GMCL1: variants seen among roughly 807,000 people sequenced by gnomAD.
GMCL1 encodes the protein germ cell-less protein-like 1.
In GMCL1, 54 loss-of-function variants were observed where a neutral mutation model predicts 75.5. The observed-to-expected ratio is 0.71, with a 90% CI of 0.57 to 0.90. GMCL1 has a LOEUF of 0.90. Ranked by LOEUF, GMCL1 falls within the 40% of genes least tolerant of loss-of-function variation. The pLI is 0.00. For synonymous variants in GMCL1, 210 were observed against 209.6 expected, an observed-to-expected ratio of 1.00 and a Z score of -0.02; for missense variants, 537 against 622.7, an observed-to-expected ratio of 0.86 and a Z score of 1.47.
chr2:69,864,047 T>C (rs1223907172), intron 10 of GMCL1, among the ~76,000 whole-genome samples: 2 of 152,090 alleles, frequency 1.3e-5, no homozygotes, highest in East Asian at 3.8e-4. Flanking sequence ...TGTACCTTCT[T>C]CATGTGCTTA....
At chr2:69,830,506 A>C (rs1674642026) in intron 1 of GMCL1, among the ~76,000 whole-genome samples, 1 of 152,156 alleles carries the variant, frequency 6.6e-6, no homozygotes, top group Non-Finnish European at 1.5e-5. Flanking sequence ...GCCGCAGAGT[A>C]AGTTGTTTTG....
intron 10 of GMCL1, among the ~76,000 whole-genome samples, chr2:69,863,706 C>G (rs1675723709): frequency 6.6e-6 from 1 of 152,130 alleles, no homozygotes. Context: ...GAACTTGTTA[C>G]CTACAAGAGC....
At chr2:69,861,870 G>A (rs778514354) in intron 10 of GMCL1, among the ~76,000 whole-genome samples, 5 of 152,086 alleles carry the variant, frequency 3.3e-5, no homozygotes, top group Non-Finnish European at 5.9e-5. Context: ...ATCACTTGGG[G>A]TCAAGAGTTC....
intron 1 of GMCL1, among the ~76,000 whole-genome samples, chr2:69,831,172 G>A (rs1307535732): frequency 1.3e-5 from 2 of 152,134 alleles, no homozygotes; most frequent in Non-Finnish European, 2.9e-5. Context: ...GCTGGCCTCA[G>A]CCTCCCAAAG....
At chr2:69,831,939 G>C (rs1674684230) in intron 1 of GMCL1, among the ~76,000 whole-genome samples, 1 of 152,178 alleles carries the variant, frequency 6.6e-6, no homozygotes, top group Non-Finnish European at 1.5e-5. Context: ...CTGAGTTCTT[G>C]GCCAGGTGCA....
chr2:69,834,382 C>G (rs536443347), intron 1 of GMCL1, among the ~76,000 whole-genome samples: 4 of 152,244 alleles, frequency 2.6e-5, no homozygotes, highest in Admixed American at 1.3e-4. Flanking sequence ...ATTTCTTTCT[C>G]GCTTATTTTA....
At chr2:69,859,742 T>TTAAAAAAA (rs1553372489) in intron 9 of GMCL1, among the ~76,000 whole-genome samples, 2 of 79,132 alleles carry the variant, frequency 2.5e-5, no homozygotes, top group Non-Finnish European at 4.6e-5. Context: ...TCTCTCTCTC[T>TTAAAAAAA]AAAAAAAAAA....
chr2:69,839,447 T>TG lies in GMCL1; in HGVS notation c.385-10_385-9insG. The stretch of plus-strand genomic sequence containing the variant: ...TACTTGATAATCGTTGACTTTTTTT[T>TG]TTGTTTAAGTCTGGCTACTTTTCTA... On this transcript the variant is annotated splice_polypyrimidine_tract_variant and intron_variant, in intron 2 of 13. Transcript: ENST00000282570. 1.3e-6 allele frequency: 2 copies of TG among 1,535,800 alleles called. No homozygotes were observed. The highest frequency in any genetic ancestry group is 1.8e-6 in the Non-Finnish European group (2 of 1,125,106).
At chr2:69,832,745 C>T (rs1038913800) in intron 1 of GMCL1, among the ~76,000 whole-genome samples, 7 of 152,108 alleles carry the variant, frequency 4.6e-5, no homozygotes, top group Non-Finnish European at 7.4e-5. Flanking sequence ...TTATATTTAA[C>T]GTAATTATTG....
chr2:69,869,154 C>T (rs1405725168), intron 11 of GMCL1, among the ~76,000 whole-genome samples: 2 of 151,304 alleles, frequency 1.3e-5, no homozygotes, highest in Non-Finnish European at 2.9e-5. Context: ...GAGGCTGAGG[C>T]AGGAGAATCG....
chr2:69,832,475 T>C (rs72839877), intron 1 of GMCL1, among the ~76,000 whole-genome samples: 33,546 of 150,692 alleles, frequency 0.22, 4,015 homozygotes, highest in African/African-American at 0.31. Context: ...TACATACATA[T>C]ATACATTTAT....
chr2:69,842,913 C>G (rs192649508), intron 4 of GMCL1: 41 of 291,878 alleles, frequency 1.4e-4, no homozygotes, highest in African/African-American at 6.9e-4. Context: ...ACTACTCCCC[C>G]CCACCTTCCA....
chr2:69,835,832 C>G (rs763443505), intron 1 of GMCL1, among the ~76,000 whole-genome samples: 89 of 152,156 alleles, frequency 5.8e-4, no homozygotes, highest in Non-Finnish European at 1.1e-3. Flanking sequence ...AGATGGTATC[C>G]TGAACTGGTG....
chr2:69,834,803 G>A (rs912553137), intron 1 of GMCL1, among the ~76,000 whole-genome samples: 3 of 151,596 alleles, frequency 2.0e-5, no homozygotes, highest in African/African-American at 2.4e-5. Flanking sequence ...ATTTCCTTTC[G>A]CTTCTTATCT....
intron 1 of GMCL1, among the ~76,000 whole-genome samples, chr2:69,834,621 A>G (rs891318879): frequency 2.2e-4 from 33 of 152,076 alleles, no homozygotes; most frequent in African/African-American, 8.0e-4. Flanking sequence ...TCAGGTGACC[A>G]TTTTTGCTCT....
At chr2:69,834,359 T>C (rs1674757895) in intron 1 of GMCL1, among the ~76,000 whole-genome samples, 4 of 152,192 alleles carry the variant, frequency 2.6e-5, no homozygotes, top group Admixed American at 2.0e-4. Context: ...ATCCACTATT[T>C]TGTGTAGCCT....
At position 69,852,461 on chromosome 2, in the gene GMCL1, A is replaced by G. The variant is rs115072356; in HGVS notation, c.935-2362A>G. ...TCATTTTCAATAGTTTTAAAATTAT[A>G]AATAAGATGCATACTTAGGAAATAG... On this transcript the variant is annotated intron_variant, in intron 8 of 13. Transcript: ENST00000282570. Among the ~76,000 whole-genome samples, 688 of 148,844 alleles carry G rather than the reference A, an allele frequency of 4.6e-3. 7 individuals carry two copies. Among genetic ancestry groups the G allele is most frequent in the African/African-American group, 0.017 (661 of 39,584 alleles).
Position 69,845,238 on chromosome 2 carries a change from G to C in GMCL1, c.758+1042G>C, listed in dbSNP as rs746394974. 1.3e-5 allele frequency among the ~76,000 whole-genome samples: 2 copies of C among 152,234 alleles called. 1 individual carries two copies. The highest frequency in any genetic ancestry group is 4.1e-4 in the South Asian group (2 of 4,826). On this transcript the variant is annotated intron_variant, in intron 6 of 13. Transcript: ENST00000282570. ...GTCCTCAAGCGGGACCTGGTCAGAC[G>C]CAGCACAGCGCAGAGCCAGAGGTCC... is the stretch of plus-strand genomic sequence containing the variant.
chr2:69,844,485 G>T, intron 6 of GMCL1: 4 of 166,368 alleles, frequency 2.4e-5, no homozygotes, highest in Non-Finnish European at 5.1e-5. Flanking sequence ...GAATTTAAAA[G>T]TTATATTTTA....
Sources: gnomAD v4.1 joint callset for allele counts (sites outside exome capture counted in the v4.1 genomes callset) on GRCh38, gnomAD v4.1.1 for gene constraint, MANE v1.5 for transcripts, NCBI Gene and HGNC (gene_info 2026-07-23, HGNC 2026-07-21) for gene names.